Variants in ADAM20 observed in about 807,000 individuals in gnomAD.
ADAM20 encodes ADAM metallopeptidase domain 20, also known as disintegrin and metalloproteinase domain-containing protein 20.
For missense variants in ADAM20, 871 were observed against 883.2 expected (o/e 0.99, Z 0.18); for synonymous variants, 305 against 310.2 (o/e 0.98, Z 0.18).
Position 70,522,610 on chromosome 14 carries a change from T to C in ADAM20, c.2148A>G (p.Lys716=), listed in dbSNP as rs1371749609. The part of the protein sequence containing the change: ...LLFCLHVLFK[K]RTKSKEDEEG ...CTTCATCTTCTTTACTTTTTGTGCG[T>C]TTCTTAAAAAGCACATGTAAGCAAA... is the stretch of plus-strand genomic sequence containing the variant. Residue 716 remains lysine (K), a synonymous_variant, in exon 2 of 2, where the codon AAA becomes AAG. Transcript: ENST00000256389. 4 of 1,611,948 alleles carry C rather than the reference T, an allele frequency of 2.5e-6. No homozygotes were observed. The highest frequency in any genetic ancestry group is 3.4e-6 in the Non-Finnish European group (4 of 1,179,286).
the ADAM20 span, among the ~76,000 whole-genome samples, chr14:70,541,359 T>C: frequency 1.3e-5 from 2 of 152,196 alleles, no homozygotes; most frequent in Non-Finnish European, 2.9e-5. Flanking sequence ...TTTACCTAGA[T>C]TAAAAGGTTA....
At chr14:70,538,530 T>C (rs1366870751), upstream of ADAM20, among the ~76,000 whole-genome samples, 2 of 152,246 alleles carry the variant, frequency 1.3e-5, no homozygotes, top group African/African-American at 4.8e-5. Flanking sequence ...CTTGTTTTCC[T>C]GGAAAAGGTT....
chr14:70,533,185 A>T (rs1444675640), intron 1 of ADAM20, among the ~76,000 whole-genome samples: 1 of 152,224 alleles, frequency 6.6e-6, no homozygotes, highest in Non-Finnish European at 1.5e-5. Context: ...TGTGAAAGAC[A>T]GTGTGGCAAT....
the ADAM20 span, among the ~76,000 whole-genome samples, chr14:70,571,288 C>G: frequency 3.3e-5 from 5 of 152,070 alleles, no homozygotes; most frequent in Non-Finnish European, 5.9e-5. Flanking sequence ...GTGGGAAGGA[C>G]CCGGTAGGAG....
intron 1 of ADAM20, among the ~76,000 whole-genome samples, chr14:70,530,337 T>C (rs1354111332): frequency 6.6e-6 from 1 of 152,160 alleles, no homozygotes; most frequent in Non-Finnish European, 1.5e-5. Flanking sequence ...TCATCTCCTA[T>C]GATCACAATG....
the ADAM20 span, among the ~76,000 whole-genome samples, chr14:70,542,015 A>G: frequency 1.3e-5 from 2 of 152,050 alleles, no homozygotes; most frequent in East Asian, 3.8e-4. Context: ...AAAGTAGGAC[A>G]GGAATTAACT....
At chr14:70,545,477 T>C in the ADAM20 span, among the ~76,000 whole-genome samples, 1 of 152,004 alleles carries the variant, frequency 6.6e-6, no homozygotes, top group Non-Finnish European at 1.5e-5. Context: ...ACAAGAAATG[T>C]ACTTCACCTA....
rs1018051078 is a variant in ADAM20 at position 70,523,740 on chromosome 14, A to G, written c.1018T>C (p.Leu340=). Residue 340 remains leucine, a synonymous_variant, in exon 2 of 2, where the codon TTG becomes CTG. Coordinates refer to ENST00000256389, the MANE Select transcript of ADAM20 (RefSeq NM_003814.5). Reference sequence around the variant, plus strand: ...AAATTATGACCAAGCTCGTGGCCCAAAGTAATTGCAAAAACGACCAACCTG... The same window carrying G: ...AAATTATGACCAAGCTCGTGGCCCAGAGTAATTGCAAAAACGACCAACCTG... ...DNRLVVFAIT[L]GHELGHNLGM... 1 of 1,614,074 alleles carries G rather than the reference A, an allele frequency of 6.2e-7. No homozygotes were observed. Among genetic ancestry groups the G allele is most frequent in the Non-Finnish European group, 8.5e-7 (1 of 1,179,980 alleles).
the ADAM20 span, among the ~76,000 whole-genome samples, chr14:70,567,751 T>C: frequency 6.6e-6 from 1 of 151,702 alleles, no homozygotes; most frequent in South Asian, 2.1e-4. Flanking sequence ...AGATACTCTG[T>C]CCAAGCCTTC....
At chr14:70,530,661 ACT>A (rs1883692063) in intron 1 of ADAM20, among the ~76,000 whole-genome samples, 1 of 152,190 alleles carries the variant, frequency 6.6e-6, no homozygotes, top group African/African-American at 2.4e-5. Context: ...ATATGAGACC[ACT>A]GTCATATATG....
At chr14:70,534,485 C>A (rs1459515633) in intron 1 of ADAM20, among the ~76,000 whole-genome samples, 1 of 151,960 alleles carries the variant, frequency 6.6e-6, no homozygotes, top group African/African-American at 2.4e-5. Context: ...AGACGCATGG[C>A]CCAAAAAAGG....
chr14:70,558,978 G>C, the ADAM20 span, among the ~76,000 whole-genome samples: 1,151 of 152,126 alleles, frequency 7.6e-3, 8 homozygotes, highest in South Asian at 0.032. Flanking sequence ...AACTCTCTCT[G>C]TACTCATTCT....
intron 1 of ADAM20, among the ~76,000 whole-genome samples, chr14:70,531,883 ATAGAC>A (rs1477810116): frequency 3.3e-5 from 5 of 152,152 alleles, no homozygotes; most frequent in Non-Finnish European, 5.9e-5. Flanking sequence ...CATCTCATTC[ATAGAC>A]TAGAAGACTT....
At chr14:70,575,773 G>A in the ADAM20 span, among the ~76,000 whole-genome samples, 3 of 152,232 alleles carry the variant, frequency 2.0e-5, no homozygotes, top group East Asian at 5.8e-4. Flanking sequence ...GTGTCATAAG[G>A]AAGGTATTAC....
the ADAM20 span, chr14:70,556,484 G>C: frequency 6.6e-6 from 1 of 152,326 alleles, no homozygotes; most frequent in Non-Finnish European, 1.5e-5. Flanking sequence ...GAAAACTATG[G>C]AGGGATGCAC....
chr14:70,569,550 C>T, the ADAM20 span, among the ~76,000 whole-genome samples: 2 of 151,862 alleles, frequency 1.3e-5, no homozygotes, highest in Non-Finnish European at 2.9e-5. Context: ...CATTCCCACA[C>T]TAAAAGTAAA....
rs558391949 is a variant in ADAM20, at chr14:70,529,654, G to A, written c.-176-4721C>T. ...ATAAACATATTTAAACATAGAAACA[G>A]TAAACATATGGCATAAAAGATATAA... On this transcript the variant is annotated intron_variant, in intron 1 of 1. Coordinates refer to ENST00000256389, the MANE Select transcript of ADAM20 (RefSeq NM_003814.5). Among the ~76,000 whole-genome samples, 5 of 152,232 alleles carry A rather than the reference G, an allele frequency of 3.3e-5. No homozygotes were observed. In the South Asian group the frequency reaches 1.0e-3, roughly 32 times the overall value.
the ADAM20 span, among the ~76,000 whole-genome samples, chr14:70,565,067 ATAAAATAAATATAAT>A: frequency 6.6e-6 from 1 of 151,066 alleles, no homozygotes; most frequent in South Asian, 2.1e-4. Context: ...ATAACATAAA[ATAAAATAAATATAAT>A]TAAATTTTTA....
chr14:70,538,618 CT>C (rs201898626), upstream of ADAM20, among the ~76,000 whole-genome samples: 3,686 of 152,296 alleles, frequency 0.024, 67 homozygotes, highest in Middle Eastern at 0.051. Flanking sequence ...ACTAAAATGA[CT>C]TCTGGTGTCC....
Sources: allele counts gnomAD v4.1 joint callset (sites outside exome capture counted in the v4.1 genomes callset), GRCh38; gene constraint gnomAD v4.1.1; transcripts MANE v1.5; gene names NCBI Gene and HGNC (gene_info 2026-07-23, HGNC 2026-07-21).